The following TMEM236 variants were observed in gnomAD, a reference collection of about 807,000 sequenced individuals.
TMEM236 encodes the protein transmembrane protein 236.
In TMEM236, 11 loss-of-function variants were observed where a neutral mutation model predicts 14.7. The observed-to-expected ratio is 0.75, with a 90% CI of 0.47 to 1.24. TMEM236 has a LOEUF of 1.24. Among genes scored for constraint, TMEM236 ranks in the 50% most tolerant of loss-of-function variants. The pLI is 0.00. For synonymous variants in TMEM236, 182 were observed against 168.6 expected (o/e 1.08, Z -0.62); for missense variants, 464 against 427.3 (o/e 1.09, Z -0.76).
Position 17,780,930 on chromosome 10 carries a change from G to A in TMEM236, c.472+4760G>A, listed in dbSNP as rs965335220. On this transcript the variant is annotated intron_variant, in intron 3 of 3. Coordinates refer to ENST00000377495, the MANE Select transcript of TMEM236 (RefSeq NM_001098844.3). ...TGATTTACATAGGGCTCAGAGATTG[G>A]TTGGACTGGGTGTGATGTTTACATA... Among the ~76,000 whole-genome samples the A allele has an allele frequency of 3.3e-5, 5 of 152,298 alleles. 1 individual carries two copies. The highest frequency in any genetic ancestry group is 1.2e-4 in the African/African-American group (5 of 41,570).
chr10:17,783,614 A>T (rs1269904845), intron 3 of TMEM236, among the ~76,000 whole-genome samples: 2 of 152,198 alleles, frequency 1.3e-5, no homozygotes, highest in Non-Finnish European at 1.5e-5. Flanking sequence ...AAATGTTCAG[A>T]TGCAGAACTT....
At chr10:17,780,509 C>T (rs1378360038) in intron 3 of TMEM236, among the ~76,000 whole-genome samples, 2 of 152,138 alleles carry the variant, frequency 1.3e-5, no homozygotes. Context: ...AGGAAAACTT[C>T]ATTTTATCTA....
At chr10:17,793,440 C>T (rs1304800089) in intron 3 of TMEM236, among the ~76,000 whole-genome samples, 1 of 152,150 alleles carries the variant, frequency 6.6e-6, no homozygotes, top group Non-Finnish European at 1.5e-5. Flanking sequence ...TAGGACATGA[C>T]ATATTATAAG....
chr10:17,778,155 A>G (rs1192371760), intron 3 of TMEM236, among the ~76,000 whole-genome samples: 3 of 152,204 alleles, frequency 2.0e-5, no homozygotes, highest in Non-Finnish European at 4.4e-5. Context: ...CTCTAGCACA[A>G]TTTGTACAAC....
intron 1 of TMEM236, among the ~76,000 whole-genome samples, chr10:17,768,259 G>A (rs1038627630): frequency 2.0e-5 from 3 of 151,792 alleles, no homozygotes. Context: ...AAGACAATGT[G>A]TTCATAGATA....
intron 3 of TMEM236, among the ~76,000 whole-genome samples, chr10:17,782,604 A>G (rs1283802662): frequency 6.6e-6 from 1 of 152,000 alleles, no homozygotes; most frequent in Non-Finnish European, 1.5e-5. Flanking sequence ...GCCGTGCACC[A>G]CCACGTCCCT....
rs549802308 is a variant in TMEM236, at chr10:17,753,693, G to C, written c.257+1141G>C. Among the ~76,000 whole-genome samples, 14 of 152,274 alleles carry C rather than the reference G, an allele frequency of 9.2e-5. No individual in the cohort carries two copies. In the East Asian group the frequency reaches 2.7e-3, roughly 29 times the overall value. ...TTTCCTGTCTTTGCCATTGTGAATA[G>C]TACTGCAACGAACATACGGGTGCAT... On this transcript the variant is annotated intron_variant, in intron 1 of 3. Coordinates refer to ENST00000377495, the MANE Select transcript of TMEM236 (RefSeq NM_001098844.3).
At chr10:17,775,501 C>T (rs1837645083) in intron 2 of TMEM236, among the ~76,000 whole-genome samples, 1 of 152,174 alleles carries the variant, frequency 6.6e-6, no homozygotes, top group South Asian at 2.1e-4. Context: ...TCTCGAGCTC[C>T]AGGCTCAAGC....
chr10:17,795,994 T>C lies in TMEM236; in HGVS notation c.546T>C (p.Ser182=), dbSNP rs1838006053. ...CTGTGACGGAGCAAGTGAGGCAAAG[T>C]CCAGAAAACGCTGCATCTCCCCAGG... ...IKTVTEQVRQ[S]PENAASPQAT... The change falls in exon 4 of 4, where the codon AGT becomes AGC. Residue 182 remains serine, a synonymous_variant. Transcript: ENST00000377495. 3 of 1,613,684 alleles carry C rather than the reference T, an allele frequency of 1.9e-6. No individual in the cohort carries two copies. Among genetic ancestry groups the C allele is most frequent in the Admixed American group, 1.7e-5 (1 of 59,976 alleles).
chr10:17,781,214 T>A (rs1463844413), intron 3 of TMEM236, among the ~76,000 whole-genome samples: 3 of 152,276 alleles, frequency 2.0e-5, no homozygotes, highest in African/African-American at 4.8e-5. Flanking sequence ...TGTTAGAAAA[T>A]GATTTGGGAG....
chr10:17,771,794 G>A (rs1837577327), intron 2 of TMEM236, among the ~76,000 whole-genome samples: 1 of 152,160 alleles, frequency 6.6e-6, no homozygotes, highest in African/African-American at 2.4e-5. Flanking sequence ...ATAATAATTT[G>A]CATGTGTTAT....
At chr10:17,766,535 T>C (rs1837467097) in intron 1 of TMEM236, among the ~76,000 whole-genome samples, 1 of 152,220 alleles carries the variant, frequency 6.6e-6, no homozygotes, top group African/African-American at 2.4e-5. Context: ...CACCTGTGTT[T>C]CTACCAACAG....
chr10:17,776,041 A>C lies in TMEM236; in HGVS notation c.343A>C (p.Ile115Leu), dbSNP rs574844694. 15 of 1,613,784 alleles carry C rather than the reference A, an allele frequency of 9.3e-6. No individual in the cohort carries two copies. In the Middle Eastern group the frequency reaches 1.8e-3, roughly 195 times the overall value. Reference protein sequence around the residue: ...SIAVTEVQKSINGSADVLPDM... With the variant: ...SIAVTEVQKSLNGSADVLPDM... ...TTTCTCTAAACAGGTTCAAAAGAGC[A>C]TTAATGGGTCCGCTGATGTCTTACC... Residue 115 changes from isoleucine to leucine, a missense_variant, in exon 3 of 4, where the codon ATT (isoleucine) becomes CTT (leucine). By Grantham distance (5) the Ile-to-Leu change is conservative (BLOSUM62 2). Transcript: ENST00000377495.
intron 1 of TMEM236, among the ~76,000 whole-genome samples, chr10:17,764,837 C>CTTTTTTTTTTTTTTTT (rs1238545582): frequency 3.1e-5 from 4 of 127,386 alleles, no homozygotes; most frequent in South Asian, 2.7e-4. Flanking sequence ...CAGATTTTCC[C>CTTTTTTTTTTTTTTTT]TTTTTTTTTT....
At chr10:17,756,555 C>G (rs888661557) in intron 1 of TMEM236, among the ~76,000 whole-genome samples, 1 of 152,218 alleles carries the variant, frequency 6.6e-6, no homozygotes, top group Non-Finnish European at 1.5e-5. Context: ...CTCAGCCTCC[C>G]AAAGTGCTGG....
chr10:17,777,700 G>A (rs1280519502), intron 3 of TMEM236, among the ~76,000 whole-genome samples: 2 of 152,048 alleles, frequency 1.3e-5, no homozygotes, highest in Non-Finnish European at 2.9e-5. Context: ...ATCTTTTTGG[G>A]AATAAGTTAA....
intron 1 of TMEM236, among the ~76,000 whole-genome samples, chr10:17,752,940 GTTGT>G (rs1178000470): frequency 1.3e-5 from 2 of 151,980 alleles, no homozygotes; most frequent in Non-Finnish European, 2.9e-5. Flanking sequence ...TTTTTTGTTT[GTTGT>G]TTGTTTTAAC....
chr10:17,770,098 G>T (rs1019261950), intron 1 of TMEM236, among the ~76,000 whole-genome samples: 1 of 152,116 alleles, frequency 6.6e-6, no homozygotes, highest in Non-Finnish European at 1.5e-5. Flanking sequence ...TTGGTTTTCT[G>T]TTCCTGAGTT....
chr10:17,775,276 T>A (rs1415657066), intron 2 of TMEM236, among the ~76,000 whole-genome samples: 2 of 152,116 alleles, frequency 1.3e-5, no homozygotes, highest in East Asian at 3.9e-4. Flanking sequence ...TGGTTTGTTT[T>A]TGTTTCTGTT....
Sources: allele counts gnomAD v4.1 joint callset (sites outside exome capture counted in the v4.1 genomes callset), GRCh38; gene constraint gnomAD v4.1.1; transcripts MANE v1.5; gene names NCBI Gene and HGNC (gene_info 2026-07-23, HGNC 2026-07-21).